The following DZIP3 variants were observed in gnomAD, a reference collection of about 807,000 sequenced individuals.
The protein encoded by DZIP3 is E3 ubiquitin-protein ligase DZIP3.
Under a neutral mutation model 162.0 loss-of-function variants are expected in DZIP3, and 118 were observed. The observed-to-expected ratio is 0.73, with a 90% confidence interval of 0.63 to 0.85. The LOEUF is 0.85. Ranked by LOEUF, DZIP3 falls within the 40% of genes least tolerant of loss-of-function variation. The pLI, the probability that DZIP3 is intolerant of heterozygous loss-of-function variation, is 0.00. For missense variants in DZIP3, 1,331 were observed against 1,407.0 expected, an observed-to-expected ratio of 0.95 and a Z score of 0.86; for synonymous variants, 438 against 458.6, an observed-to-expected ratio of 0.96 and a Z score of 0.57.
intron 2 of DZIP3, among the ~76,000 whole-genome samples, chr3:108,605,676 G>A (rs576829509): frequency 6.6e-6 from 1 of 152,304 alleles, no homozygotes; most frequent in African/African-American, 2.4e-5. Flanking sequence ...AGAAGGTGGA[G>A]CTCAGGTGGT....
At chr3:108,659,422 G>C (rs57526229) in intron 19 of DZIP3, among the ~76,000 whole-genome samples, 2,889 of 152,272 alleles carry the variant, frequency 0.019, 99 homozygotes, top group African/African-American at 0.066. Flanking sequence ...AAAGGCCTTT[G>C]ACAAAATTCA....
intron 3 of DZIP3, 49 bp downstream of exon 3, chr3:108,608,207 TTATA>T: frequency 7.0e-7 from 1 of 1,429,766 alleles, no homozygotes; most frequent in Non-Finnish European, 9.8e-7. Context: ...TGATAATTAA[TTATA>T]TATGCAAATG....
chr3:108,664,294 G>A (rs1349245379), intron 21 of DZIP3, among the ~76,000 whole-genome samples: 2 of 152,158 alleles, frequency 1.3e-5, no homozygotes, highest in African/African-American at 2.4e-5. Flanking sequence ...AATACCCACC[G>A]TACTGCAGCC....
intron 12 of DZIP3, among the ~76,000 whole-genome samples, chr3:108,638,409 G>A (rs948057554): frequency 1.3e-5 from 2 of 151,990 alleles, no homozygotes; most frequent in Non-Finnish European, 2.9e-5. Flanking sequence ...TCTGCCTCCC[G>A]GGTTCACACC....
At chr3:108,654,452 AG>A (rs1943019768) in intron 19 of DZIP3, 142 bp downstream of exon 19, 3 of 904,448 alleles carry the variant, frequency 3.3e-6, no homozygotes, top group East Asian at 2.6e-5. Flanking sequence ...AAAGGTAAGG[AG>A]GGATATATGA....
intron 5 of DZIP3, among the ~76,000 whole-genome samples, chr3:108,619,533 A>G (rs1941216484): frequency 6.6e-6 from 1 of 152,128 alleles, no homozygotes; most frequent in Non-Finnish European, 1.5e-5. Flanking sequence ...AGAACCAGGT[A>G]TAAATCCAAG....
At chr3:108,654,386 AC>A (rs759750141) in intron 19 of DZIP3, 76 bp downstream of exon 19, 1 of 1,522,856 alleles carries the variant, frequency 6.6e-7, no homozygotes. Flanking sequence ...AAACAGCATC[AC>A]CCTTTGAAAA....
intron 1 of DZIP3, among the ~76,000 whole-genome samples, chr3:108,602,579 A>G (rs1174442913): frequency 1.3e-5 from 2 of 152,238 alleles, no homozygotes; most frequent in Non-Finnish European, 2.9e-5. Flanking sequence ...TACTGCCGAC[A>G]GGGAAAGTCT....
chr3:108,599,244 C>A (rs1175145416), intron 1 of DZIP3, among the ~76,000 whole-genome samples: 1 of 152,104 alleles, frequency 6.6e-6, no homozygotes, highest in South Asian at 2.1e-4. Flanking sequence ...AAAATATCTT[C>A]CAGTTTCTGA....
Position 108,684,202 on chromosome 3 carries a change from A to C in DZIP3, c.2884-14A>C. ...GGGGGTGTTGTTTATTATTGTTTAT[A>C]TTTTCTATTTTAGATGCAGCAGTTC... On this transcript the variant is annotated splice_polypyrimidine_tract_variant and intron_variant, in intron 26 of 32. Coordinates refer to ENST00000361582, the MANE Select transcript of DZIP3 (RefSeq NM_014648.4). 6.3e-7 allele frequency: 1 copy of C among 1,595,630 alleles called. No individual in the cohort carries two copies. The highest frequency in any genetic ancestry group is 8.5e-7 in the Non-Finnish European group (1 of 1,172,330).
intron 26 of DZIP3, among the ~76,000 whole-genome samples, chr3:108,682,811 T>C (rs1391014302): frequency 6.6e-6 from 1 of 150,754 alleles, no homozygotes. Flanking sequence ...AATATGCCAA[T>C]TACCCTTTGA....
At chr3:108,635,543 TAA>T (rs935078184) in intron 10 of DZIP3, among the ~76,000 whole-genome samples, 92 of 147,608 alleles carry the variant, frequency 6.2e-4, no homozygotes, top group African/African-American at 1.9e-3. Flanking sequence ...TATAATTATA[TAA>T]GTTATAATTA....
rs141475495 is a variant in DZIP3, at chr3:108,690,840, C to T, written c.3570C>T (p.His1190=). 220 of 1,614,092 alleles carry T rather than the reference C, an allele frequency of 1.4e-4. No individual in the cohort carries two copies. The highest frequency in any genetic ancestry group is 1.8e-4 in the Non-Finnish European group (213 of 1,179,982). ...GGACATGTCCAACGTGCAGACTCCA[C>T]GTTTTGCTACCAGAAGAATTCCCTG... ...QQGTCPTCRL[H]VLLPEEFPGH... is the part of the protein sequence containing the mutation. The change falls in exon 32 of 33, where the codon CAC becomes CAT. Residue 1190 remains histidine, a synonymous_variant. Transcript: ENST00000361582.
chr3:108,691,383 A>G (rs945520268), intron 32 of DZIP3: 11 of 151,542 alleles, frequency 7.3e-5, no homozygotes, highest in African/African-American at 2.7e-4. Context: ...AAGTATAATA[A>G]TAATAAAAGA....
At chr3:108,664,682 A>G (rs1663193785) in intron 21 of DZIP3, among the ~76,000 whole-genome samples, 1 of 152,218 alleles carries the variant, frequency 6.6e-6, no homozygotes, top group South Asian at 2.1e-4. Context: ...CCAGAAGGGC[A>G]CAACAGGGAG....
chr3:108,604,664 A>G (rs978389917), intron 1 of DZIP3, among the ~76,000 whole-genome samples: 1 of 152,154 alleles, frequency 6.6e-6, no homozygotes, highest in Non-Finnish European at 1.5e-5. Flanking sequence ...TGTGTCTTCT[A>G]TTTTATGGAG....
In DZIP3 at chr3:108,693,475, A is replaced by G. The variant is rs776159918; in HGVS notation, c.*122A>G. On this transcript the variant is annotated 3_prime_UTR_variant, in exon 33 of 33. Coordinates refer to ENST00000361582, the MANE Select transcript of DZIP3 (RefSeq NM_014648.4). ...GTTAGTTTGAGGAATTTTGTGAGAC[A>G]GTTGTCAAATTGTTGCTAGCTTGAA... 2 of 152,156 alleles carry G rather than the reference A, an allele frequency of 1.3e-5. No individual in the cohort carries two copies. Among genetic ancestry groups the G allele is most frequent in the Non-Finnish European group, 2.9e-5 (2 of 68,028 alleles). The allele number at this position is 152,156 out of a possible 1,614,324, so 9.4% of individuals were successfully genotyped here.
intron 2 of DZIP3, 120 bp downstream of exon 2, chr3:108,605,558 A>G: frequency 9.4e-6 from 9 of 958,900 alleles, no homozygotes; most frequent in Non-Finnish European, 1.4e-5. Context: ...ACTTCAGATC[A>G]TCAGGCATTA....
rs141534372 is a variant in DZIP3 at position 108,654,233 on chromosome 3, G to A, written c.2122G>A (p.Asp708Asn). 7.4e-6 allele frequency: 12 copies of A among 1,613,844 alleles called. No individual in the cohort carries two copies. Among genetic ancestry groups the A allele is most frequent in the Non-Finnish European group, 9.3e-6 (11 of 1,179,800 alleles). ...TAGACTTATAAAAGATGATGCAAGTGATGTTCAAGAGGATTCTGCAATGGA... is the reference window on the plus strand; with the variant it reads ...TAGACTTATAAAAGATGATGCAAGTAATGTTCAAGAGGATTCTGCAATGGA... ...VSRLIKDDAS[D>N]VQEDSAMEDK... The change falls in exon 19 of 33, where the codon GAT becomes AAT. Residue 708 changes from aspartate (D) to asparagine (N), a missense_variant. Physicochemically the swap from Asp to Asn is conservative, Grantham distance 23. Coordinates refer to ENST00000361582, the MANE Select transcript of DZIP3 (RefSeq NM_014648.4).
Sources: gnomAD v4.1 joint callset for allele counts (sites outside exome capture counted in the v4.1 genomes callset) on GRCh38, gnomAD v4.1.1 for gene constraint, MANE v1.5 for transcripts, NCBI Gene and HGNC (gene_info 2026-07-23, HGNC 2026-07-21) for gene names.